MAPT: variants seen among roughly 807,000 people sequenced by gnomAD.
MAPT encodes the protein microtubule associated protein tau, also known as microtubule-associated protein tau.
A neutral mutation model predicts 67.9 loss-of-function variants in MAPT; 34 were observed. That is an observed-to-expected ratio of 0.50 (90% CI 0.38 to 0.67). The LOEUF is 0.67. Ranked by LOEUF, MAPT falls within the 30% of genes least tolerant of loss-of-function variation. The pLI is 0.00. For synonymous variants in MAPT, 456 were observed against 464.5 expected (o/e 0.98, Z 0.23); for missense variants, 881 against 1,115.2 (o/e 0.79, Z 2.99).
intron 1 of MAPT, among the ~76,000 whole-genome samples, chr17:45,918,501 TAGC>T (rs2065398117): frequency 6.6e-6 from 1 of 152,120 alleles, no homozygotes; most frequent in Non-Finnish European, 1.5e-5. Flanking sequence ...CTGTAAGGAA[TAGC>T]AGTGGTGTGT....
At chr17:46,015,116 C>G (rs77299423) in intron 11 of MAPT, among the ~76,000 whole-genome samples, 2 of 152,184 alleles carry the variant, frequency 1.3e-5, no homozygotes, top group South Asian at 2.1e-4. Context: ...CAGTGGCTTA[C>G]GTCTGTAATC....
intron 5 of MAPT, 94 bp downstream of exon 5, chr17:45,984,024 C>T: frequency 9.3e-7 from 1 of 1,073,594 alleles, no homozygotes. Context: ...CCTCCCGACT[C>T]CTGCTGCTTC....
Position 45,962,405 on chromosome 17 carries a change from G to A in MAPT, c.68G>A (p.Arg23Lys), listed in dbSNP as rs1224565965. 1 of 1,612,782 alleles carries A rather than the reference G, an allele frequency of 6.2e-7. No homozygotes were observed. Among genetic ancestry groups the A allele is most frequent in the South Asian group, 1.1e-5 (1 of 90,982 alleles). The change falls in exon 2 of 13, where the codon AGG becomes AAG. Residue 23 changes from arginine (R) to lysine (K), a missense_variant. Physicochemically the swap from Arg to Lys is conservative, Grantham distance 26. This residue lies in a region of MAPT where 687 missense variants were observed against 766.1 expected (regional missense o/e 0.90). Coordinates refer to ENST00000262410, the MANE Select transcript of MAPT (RefSeq NM_001377265.1). ...DHAGTYGLGD[R>K]KDQGGYTMHQ... is the part of the protein sequence containing the mutation. ...GCTGGGACGTACGGGTTGGGGGACAGGAAAGATCAGGGGGGCTACACCATG... is the reference window on the plus strand; with the variant it reads ...GCTGGGACGTACGGGTTGGGGGACAAGAAAGATCAGGGGGGCTACACCATG...
intron 1 of MAPT, among the ~76,000 whole-genome samples, chr17:45,951,303 G>A (rs1452407329): frequency 1.3e-5 from 2 of 152,348 alleles, no homozygotes; most frequent in Admixed American, 1.3e-4. Context: ...ACAACATTGT[G>A]AATGTACTAA....
rs2076849910 is a variant in MAPT at position 46,027,322 on chromosome 17, C to G, written c.*3151C>G. 6.5e-6 allele frequency: 1 copy of G among 152,770 alleles called. No homozygotes were observed. Among genetic ancestry groups the G allele is most frequent in the East Asian group, 1.9e-4 (1 of 5,190 alleles). The allele number at this position is 152,770 out of a possible 1,614,324, so 9.5% of individuals were successfully genotyped here. ...CTGGCAGATAAATTGAAAAGGCACG[C>G]TGGCTTGTGATCTTAAATGAGGACA... On this transcript the variant is annotated 3_prime_UTR_variant, in exon 13 of 13. Coordinates refer to ENST00000262410, the MANE Select transcript of MAPT (RefSeq NM_001377265.1).
intron 1 of MAPT, among the ~76,000 whole-genome samples, chr17:45,933,324 A>G (rs1568192885): frequency 6.7e-6 from 1 of 148,602 alleles, no homozygotes; most frequent in Non-Finnish European, 1.5e-5. Flanking sequence ...AGCTCACTAC[A>G]TCCTCTGCCT....
At chr17:45,931,016 C>A (rs1321302650) in intron 1 of MAPT, among the ~76,000 whole-genome samples, 2 of 152,180 alleles carry the variant, frequency 1.3e-5, no homozygotes, top group African/African-American at 4.8e-5. Flanking sequence ...AGCTTCACAT[C>A]CTAGAATTTG....
In MAPT at chr17:45,996,629, A is replaced by G; in HGVS notation, c.1963A>G (p.Thr655Ala). ...GAATGTCAAGTCCAAGATCGGCTCC[A>G]CTGAGAACCTGAAGCACCAGCCGGG... ...LKNVKSKIGS[T>A]ENLKHQPGGG... Residue 655 changes from threonine (T) to alanine (A), a missense_variant, in exon 9 of 13, where the codon ACT becomes GCT. Around this residue, in one of 6 missense-constraint regions of MAPT, gnomAD observed 45 missense variants for 43.2 expected, o/e 1.04. Transcript: ENST00000262410. The surrounding 1 kb of genome is among the most constrained non-coding windows in gnomAD (Gnocchi z 4.5). 6.2e-7 allele frequency: 1 copy of G among 1,613,950 alleles called. No individual in the cohort carries two copies. Among genetic ancestry groups the G allele is most frequent in the Non-Finnish European group, 8.5e-7 (1 of 1,179,944 alleles).
chr17:45,989,765 T>C lies in MAPT; in HGVS notation c.1408-113T>C, dbSNP rs563646457. On this transcript the variant is annotated intron_variant, in intron 6 of 12. Transcript: ENST00000262410. ...CTGATTCAAACAGCCTGGAGATCAC[T>C]GCTTTCAACCATTACCTGCCTTATT... The C allele has an allele frequency of 1.3e-4, 127 of 950,452 alleles. 1 individual carries two copies. The South Asian group carries it at 1.7e-3, about 13-fold the overall frequency. 58.9% of individuals were successfully genotyped at this position (950,452 alleles called of 1,614,324 possible). A position where few individuals can be genotyped will look rare whatever the true frequency, so the allele number is the denominator to read the frequency against.
intron 3 of MAPT, 113 bp from the exon 4 acceptor site, chr17:45,978,262 G>A (rs753094011): frequency 1.2e-6 from 1 of 846,854 alleles, no homozygotes; most frequent in Admixed American, 1.7e-5. Flanking sequence ...TTCTTGGGAT[G>A]TGACTTTCCT....
At chr17:45,920,657 T>TG (rs1202985388) in intron 1 of MAPT, among the ~76,000 whole-genome samples, 2 of 152,224 alleles carry the variant, frequency 1.3e-5, no homozygotes, top group African/African-American at 4.8e-5. Flanking sequence ...TGACAAGGTC[T>TG]GGGGTGGTTG....
chr17:45,999,261 C>T, intron 9 of MAPT: 1 of 1,608,262 alleles, frequency 6.2e-7, no homozygotes, highest in Non-Finnish European at 8.5e-7. Flanking sequence ...CATGTGTCTG[C>T]TGCTCCCTAG....
intron 2 of MAPT, among the ~76,000 whole-genome samples, chr17:45,963,441 G>T (rs1004779190): frequency 1.3e-5 from 2 of 152,064 alleles, no homozygotes; most frequent in African/African-American, 4.8e-5. Flanking sequence ...CTCAAGGTTG[G>T]TCGAGGCTGT....
intron 1 of MAPT, among the ~76,000 whole-genome samples, chr17:45,946,375 G>A (rs2068477702): frequency 6.6e-6 from 1 of 152,026 alleles, no homozygotes; most frequent in Admixed American, 6.6e-5. Flanking sequence ...GCTGAGGTGA[G>A]TGGATCACTT....
At chr17:45,987,198 A>C in intron 6 of MAPT, 103 bp downstream of exon 6, 1 of 1,091,992 alleles carries the variant, frequency 9.2e-7, no homozygotes, top group Admixed American at 1.9e-5. Flanking sequence ...AGTATTTGTC[A>C]CTAAAGTACA....
Position 45,983,088 on chromosome 17 carries a change from C to T in MAPT, c.509C>T (p.Pro170Leu). 6.5e-7 allele frequency: 1 copy of T among 1,545,934 alleles called. No homozygotes were observed. The highest frequency in any genetic ancestry group is 8.8e-7 in the Non-Finnish European group (1 of 1,142,702). The stretch of plus-strand genomic sequence containing the variant: ...CCTCCAACAGGAGGCCCTCAGGAGC[C>T]CTCCCTGGAGTGGGGACAAAAAGGC... ...APPPTGGPQE[P>L]SLEWGQKGGD... Residue 170 changes from proline to leucine, a missense_variant, in exon 5 of 13, where the codon CCC (proline) becomes CTC (leucine). Pro to Leu is a moderately conservative substitution (Grantham distance 98). Around this residue, in one of 6 missense-constraint regions of MAPT, gnomAD observed 687 missense variants for 766.1 expected, o/e 0.90. Transcript: ENST00000262410.
At chr17:46,012,350 G>A (rs578107366) in intron 10 of MAPT, among the ~76,000 whole-genome samples, 11 of 152,184 alleles carry the variant, frequency 7.2e-5, no homozygotes, top group Admixed American at 5.2e-4. Context: ...CCTGTGACCC[G>A]CGCTGTGCTC....
rs543656400 is a variant in MAPT at position 45,899,378 on chromosome 17, G to C, written c.-18+4692G>C. ...CTGCTATCTTAATTACATTCATTGA[G>C]TGTCTTTTAGGAGGCCCTATTCTAA... On this transcript the variant is annotated intron_variant, in intron 1 of 12. Transcript: ENST00000262410. 5.9e-5 allele frequency among the ~76,000 whole-genome samples: 9 copies of C among 152,282 alleles called. No homozygotes were observed. The South Asian group carries it at 1.5e-3, about 25-fold the overall frequency.
intron 3 of MAPT, 124 bp from the exon 4 acceptor site, chr17:45,978,251 A>T: frequency 1.2e-6 from 1 of 802,784 alleles, no homozygotes. Context: ...GCACCTTGGT[A>T]TTCTTGGGAT....
Sources: allele counts gnomAD v4.1 joint callset (sites outside exome capture counted in the v4.1 genomes callset), GRCh38; gene constraint gnomAD v4.1.1; regional missense constraint gnomAD v4.1.1; non-coding constraint Gnocchi (gnomAD v3.1); transcripts MANE v1.5; gene names NCBI Gene and HGNC (gene_info 2026-07-23, HGNC 2026-07-21).